GALNTL6: variants seen among roughly 807,000 people sequenced by gnomAD.
GALNTL6 encodes polypeptide N-acetylgalactosaminyltransferase like 6, also known as polypeptide N-acetylgalactosaminyltransferase-like 6.
A neutral mutation model predicts 73.7 loss-of-function variants in GALNTL6; 46 were observed. The observed-to-expected ratio is 0.62, with a 90% confidence interval of 0.49 to 0.80. The LOEUF is 0.80. Among genes scored for constraint, GALNTL6 ranks in the 30% least tolerant of loss-of-function variants. GALNTL6 has a pLI of 0.00. For missense variants in GALNTL6, 604 were observed against 755.0 expected, an observed-to-expected ratio of 0.80 and a Z score of 2.34; for synonymous variants, 259 against 263.7, an observed-to-expected ratio of 0.98 and a Z score of 0.17.
intron 3 of GALNTL6, among the ~76,000 whole-genome samples, chr4:172,302,116 G>A (rs567645139): frequency 6.6e-6 from 1 of 151,978 alleles, no homozygotes; most frequent in Non-Finnish European, 1.5e-5. Flanking sequence ...TTTGATCTCA[G>A]ACTGCTGTGC....
intron 2 of GALNTL6, among the ~76,000 whole-genome samples, chr4:171,969,316 T>C (rs753473310): frequency 6.6e-6 from 1 of 152,152 alleles, no homozygotes; most frequent in Non-Finnish European, 1.5e-5. Flanking sequence ...TCATTGTGTG[T>C]TTGCACTATG....
At chr4:172,458,653 C>T (rs1486265862) in intron 5 of GALNTL6, among the ~76,000 whole-genome samples, 1 of 152,134 alleles carries the variant, frequency 6.6e-6, no homozygotes, top group Non-Finnish European at 1.5e-5. Flanking sequence ...CACATACACC[C>T]TCCCAGGACT....
At position 172,960,017 on chromosome 4, in the gene GALNTL6, T is replaced by C. The variant is rs552465639; in HGVS notation, c.1371+7759T>C. ...ATTATTGTACACCTTAAAGGTGAGG[T>C]TAATTAAGTCCTGTTGTGGGGTTTG... On this transcript the variant is annotated intron_variant, in intron 10 of 12. Coordinates refer to ENST00000506823, the MANE Select transcript of GALNTL6 (RefSeq NM_001034845.3). 5.5e-4 allele frequency among the ~76,000 whole-genome samples: 84 copies of C among 152,232 alleles called. 1 individual carries two copies. Among genetic ancestry groups the C allele is most frequent in the Non-Finnish European group, 1.1e-3 (76 of 68,042 alleles).
intron 5 of GALNTL6, among the ~76,000 whole-genome samples, chr4:172,685,554 G>A (rs1368977411): frequency 6.6e-6 from 1 of 152,110 alleles, no homozygotes; most frequent in Non-Finnish European, 1.5e-5. Flanking sequence ...GCTGTACTTT[G>A]CAAAATGGCT....
At chr4:171,823,620 T>G (rs1014438214) in intron 2 of GALNTL6, among the ~76,000 whole-genome samples, 1 of 151,170 alleles carries the variant, frequency 6.6e-6, no homozygotes, top group Non-Finnish European at 1.5e-5. Context: ...ATGTCTTAGC[T>G]AGAAAGATGA....
At chr4:172,195,254 A>G (rs1008264024) in intron 2 of GALNTL6, among the ~76,000 whole-genome samples, 1 of 152,226 alleles carries the variant, frequency 6.6e-6, no homozygotes. Flanking sequence ...CTAAATATAC[A>G]TGCACCCAAT....
At chr4:172,133,110 C>A (rs893513782) in intron 2 of GALNTL6, among the ~76,000 whole-genome samples, 1 of 152,216 alleles carries the variant, frequency 6.6e-6, no homozygotes, top group Non-Finnish European at 1.5e-5. Context: ...GAAAGAACAT[C>A]AATGTGCTTA....
At chr4:172,363,728 A>G (rs911194920) in intron 5 of GALNTL6, among the ~76,000 whole-genome samples, 1 of 152,178 alleles carries the variant, frequency 6.6e-6, no homozygotes, top group Non-Finnish European at 1.5e-5. Flanking sequence ...GTACATATTC[A>G]CCCATTTGCT....
intron 10 of GALNTL6, among the ~76,000 whole-genome samples, chr4:172,999,811 T>C (rs985073111): frequency 6.6e-6 from 1 of 151,872 alleles, no homozygotes; most frequent in African/African-American, 2.4e-5. Flanking sequence ...TTGGATACAT[T>C]CTATCATTAG....
intron 3 of GALNTL6, among the ~76,000 whole-genome samples, chr4:172,288,529 T>C (rs1405354160): frequency 6.6e-6 from 1 of 152,182 alleles, no homozygotes; most frequent in Admixed American, 6.5e-5. Context: ...TTTAAAAATA[T>C]GGAATAATTA....
intron 2 of GALNTL6, among the ~76,000 whole-genome samples, chr4:172,010,702 A>C (rs1740980459): frequency 6.6e-6 from 1 of 152,070 alleles, no homozygotes; most frequent in Non-Finnish European, 1.5e-5. Flanking sequence ...GTCAGTAGCT[A>C]AGAGCATGGC....
At chr4:171,865,636 G>A (rs1383733518) in intron 2 of GALNTL6, among the ~76,000 whole-genome samples, 1 of 152,092 alleles carries the variant, frequency 6.6e-6, no homozygotes, top group Non-Finnish European at 1.5e-5. Context: ...AGAAATGGAA[G>A]GATCCAGTTT....
intron 7 of GALNTL6, among the ~76,000 whole-genome samples, chr4:172,875,090 C>T (rs185172254): frequency 6.0e-4 from 92 of 152,232 alleles, no homozygotes; most frequent in Non-Finnish European, 1.0e-3. Flanking sequence ...ATGGTCACAT[C>T]CCTGGGGACT....
At position 172,271,944 on chromosome 4, in the gene GALNTL6, A is replaced by AAT. The variant is rs201105155; in HGVS notation, c.248-39655_248-39654dup. ...TATTAGAGAAGATAGGGCCATCATA[A>AAT]ATATATATATATATATTTTTTTTTA... On this transcript the variant is annotated intron_variant, in intron 3 of 12. Transcript: ENST00000506823. Among the ~76,000 whole-genome samples the AAT allele has an allele frequency of 7.9e-4, 117 of 148,922 alleles. No individual in the cohort carries two copies. In the East Asian group the frequency reaches 8.0e-3, roughly 10 times the overall value.
At chr4:172,987,517 G>T (rs554041108) in intron 10 of GALNTL6, among the ~76,000 whole-genome samples, 33 of 152,160 alleles carry the variant, frequency 2.2e-4, no homozygotes, top group Non-Finnish European at 4.4e-4. Context: ...AACCATATCA[G>T]TCCAATTATA....
At chr4:172,150,768 G>C (rs1734062706) in intron 2 of GALNTL6, among the ~76,000 whole-genome samples, 1 of 152,010 alleles carries the variant, frequency 6.6e-6, no homozygotes, top group Admixed American at 6.6e-5. Flanking sequence ...ACATTGTAAA[G>C]GGAAGAAAAT....
chr4:171,922,970 A>T (rs1242482418), intron 2 of GALNTL6, among the ~76,000 whole-genome samples: 6 of 152,070 alleles, frequency 3.9e-5, no homozygotes. Context: ...AAAACCCCAA[A>T]TTACTTCATT....
chr4:173,034,429 C>T (rs909400873), intron 12 of GALNTL6, among the ~76,000 whole-genome samples: 2 of 152,156 alleles, frequency 1.3e-5, no homozygotes, highest in African/African-American at 2.4e-5. Context: ...TGGATATCCT[C>T]GTCTGGACTT....
intron 5 of GALNTL6, among the ~76,000 whole-genome samples, chr4:172,469,923 T>A (rs1732982388): frequency 6.6e-6 from 1 of 152,188 alleles, no homozygotes; most frequent in Admixed American, 6.5e-5. Flanking sequence ...AGAGCTGGAT[T>A]TACTACTATT....
Sources: gnomAD v4.1 joint callset for allele counts (sites outside exome capture counted in the v4.1 genomes callset) on GRCh38, gnomAD v4.1.1 for gene constraint, MANE v1.5 for transcripts, NCBI Gene and HGNC (gene_info 2026-07-23, HGNC 2026-07-21) for gene names.